Variants in ERCC8 observed in about 807,000 individuals in gnomAD.
ERCC8 encodes ERCC excision repair 8, CSA ubiquitin ligase complex subunit.
ERCC8 carries 52 observed loss-of-function variants against 54.9 expected under a neutral mutation model. That is an observed-to-expected ratio of 0.95 (90% CI 0.76 to 1.19). The LOEUF (loss-of-function observed/expected upper bound fraction) is 1.19. ERCC8 is among the 50% of genes most tolerant of loss of function. The probability of loss-of-function intolerance (pLI) is 0.00; values close to 1 mark genes in which losing one functional copy is unlikely to be tolerated. For missense variants in ERCC8, 514 were observed against 466.1 expected (o/e 1.10, Z -0.95); for synonymous variants, 146 against 157.2 (o/e 0.93, Z 0.53).
intron 9 of ERCC8, chr5:60,892,012 T>A (rs1748576541): frequency 3.8e-6 from 2 of 525,968 alleles, no homozygotes; most frequent in Admixed American, 2.0e-5. Flanking sequence ...GGGGATTTTA[T>A]CTGCACATTT....
intron 7 of ERCC8, among the ~76,000 whole-genome samples, chr5:60,901,430 C>T (rs950734331): frequency 1.1e-4 from 17 of 151,928 alleles, no homozygotes; most frequent in African/African-American, 3.6e-4. Flanking sequence ...ATCCTATGGG[C>T]CCTTAATCAG....
chr5:60,898,488 C>A (rs1308267227), intron 8 of ERCC8, 88 bp from the exon 9 acceptor site: 3 of 1,466,146 alleles, frequency 2.0e-6, no homozygotes, highest in South Asian at 2.3e-5. Context: ...TATTAAAGGA[C>A]AACTACTTGA....
chr5:60,944,655 G>C lies in ERCC8; in HGVS notation c.77+277C>G, dbSNP rs972083150. On this transcript the variant is annotated intron_variant, in intron 1 of 11. Coordinates refer to ENST00000676185, the MANE Select transcript of ERCC8 (RefSeq NM_000082.4). Reference sequence around the variant, plus strand: ...TAAGAGAGAAGGAATACAGTACAACGAAGTATTCTTATTTAGGTTTATAGT... The same window carrying C: ...TAAGAGAGAAGGAATACAGTACAACCAAGTATTCTTATTTAGGTTTATAGT... 3.9e-5 allele frequency among the ~76,000 whole-genome samples: 6 copies of C among 151,936 alleles called. No individual in the cohort carries two copies. The East Asian group carries it at 1.2e-3, about 30-fold the overall frequency.
chr5:60,918,099 C>G (rs1426583887), intron 4 of ERCC8, 166 bp downstream of exon 4: 3 of 616,238 alleles, frequency 4.9e-6, no homozygotes, highest in Non-Finnish European at 8.9e-6. Context: ...CAGCTGTCAG[C>G]AGCACAGCCA....
At chr5:60,888,817 G>A (rs1748469284) in intron 10 of ERCC8, among the ~76,000 whole-genome samples, 1 of 152,136 alleles carries the variant, frequency 6.6e-6, no homozygotes, top group Non-Finnish European at 1.5e-5. Flanking sequence ...CTGTGAACAA[G>A]GGTACTTCCC....
chr5:60,889,396 C>G (rs1190194931), intron 10 of ERCC8, among the ~76,000 whole-genome samples: 1 of 152,156 alleles, frequency 6.6e-6, no homozygotes, highest in Non-Finnish European at 1.5e-5. Flanking sequence ...CACTCAATCT[C>G]CTGGACTCAA....
chr5:60,927,525 T>C (rs755150165), intron 2 of ERCC8, among the ~76,000 whole-genome samples: 4 of 152,222 alleles, frequency 2.6e-5, no homozygotes, highest in Non-Finnish European at 5.9e-5. Context: ...TTCTCAAATA[T>C]ATTTCATGCA....
At chr5:60,902,309 TAAGTC>T in intron 7 of ERCC8, 128 bp downstream of exon 7, 1 of 690,568 alleles carries the variant, frequency 1.4e-6, no homozygotes. Flanking sequence ...TTAAAATTTC[TAAGTC>T]AATACTTCAT....
chr5:60,938,543 G>A (rs1375178210), intron 1 of ERCC8, among the ~76,000 whole-genome samples: 5 of 151,734 alleles, frequency 3.3e-5, no homozygotes, highest in African/African-American at 4.8e-5. Flanking sequence ...TAGTAGAGAC[G>A]GGGTTTCACC....
intron 11 of ERCC8, among the ~76,000 whole-genome samples, chr5:60,886,545 T>C (rs1033586104): frequency 4.0e-5 from 6 of 151,566 alleles, no homozygotes; most frequent in Non-Finnish European, 8.8e-5. Context: ...CTACTAAAAA[T>C]ACAAAAATTA....
rs114032592 is a variant in ERCC8, at chr5:60,938,649, C to T, written c.77+6283G>A. ...GATTACAGGCGTGAGCCACAGCGCC[C>T]GGCTGAATTTGTTAAAGTTTGCTTA... On this transcript the variant is annotated intron_variant, in intron 1 of 11. Transcript: ENST00000676185. Among the ~76,000 whole-genome samples, 416 of 152,244 alleles carry T rather than the reference C, an allele frequency of 2.7e-3. 2 individuals carry two copies. The highest frequency in any genetic ancestry group is 9.2e-3 in the African/African-American group (383 of 41,532).
intron 11 of ERCC8, among the ~76,000 whole-genome samples, chr5:60,877,754 G>T (rs1158119949): frequency 6.6e-6 from 1 of 152,206 alleles, no homozygotes; most frequent in Non-Finnish European, 1.5e-5. Flanking sequence ...TTGCTTATCA[G>T]CTTAAGGAGA....
chr5:60,933,222 T>C (rs867933968), intron 1 of ERCC8, among the ~76,000 whole-genome samples: 3,693 of 135,592 alleles, frequency 0.027, 101 homozygotes, highest in African/African-American at 0.072. Context: ...TTTTCTTTTT[T>C]TTTTTTTTTT....
chr5:60,918,594 A>C, intron 3 of ERCC8: 1 of 557,826 alleles, frequency 1.8e-6, no homozygotes, highest in Non-Finnish European at 3.2e-6. Context: ...GTAGAGACAT[A>C]CCTCCTACTA....
intron 1 of ERCC8, among the ~76,000 whole-genome samples, chr5:60,944,048 A>G (rs1750348221): frequency 6.6e-6 from 1 of 152,206 alleles, no homozygotes; most frequent in Non-Finnish European, 1.5e-5. Flanking sequence ...CAAAATTAAA[A>G]GTACAACTTG....
In ERCC8 at chr5:60,898,309, C is replaced by A. The variant is rs532604744; in HGVS notation, c.810G>T (p.Arg270Ser). The A allele has an allele frequency of 3.1e-6, 5 of 1,613,518 alleles. No individual in the cohort carries two copies. In the Admixed American group the frequency reaches 6.7e-5, roughly 22 times the overall value. Reference protein sequence around the residue: ...LLTVGTDNRMRLWNSSNGENT... With the variant: ...LLTVGTDNRMSLWNSSNGENT... ...TTTCTCCATTGGAACTATTCCAGAG[C>A]CTCATTCGATTATCTGTACCAACAG... Residue 270 changes from arginine (R) to serine (S), a missense_variant, in exon 9 of 12, where the codon AGG (arginine) becomes AGT (serine). By Grantham distance (110) the Arg-to-Ser change is moderately radical (BLOSUM62 -1). Transcript: ENST00000676185.
chr5:60,922,293 C>A, intron 2 of ERCC8, 138 bp from the exon 3 acceptor site: 1 of 535,476 alleles, frequency 1.9e-6, no homozygotes, highest in South Asian at 2.8e-5. Context: ...TAAGTTAATC[C>A]TCAATAACAC....
intron 3 of ERCC8, 38 bp from the exon 4 acceptor site, chr5:60,918,426 ATG>A (rs1373229874): frequency 6.3e-7 from 1 of 1,588,762 alleles, no homozygotes; most frequent in South Asian, 1.1e-5. Flanking sequence ...TAACTGACTT[ATG>A]TGAGTTTCAA....
chr5:60,903,812 A>G, intron 5 of ERCC8, 96 bp from the exon 6 acceptor site: 1 of 1,212,674 alleles, frequency 8.2e-7, no homozygotes, highest in South Asian at 1.3e-5. Context: ...TTTTCACTGT[A>G]TCCATGCAGA....
Sources: gnomAD v4.1 joint callset for allele counts (sites outside exome capture counted in the v4.1 genomes callset) on GRCh38, gnomAD v4.1.1 for gene constraint, MANE v1.5 for transcripts, NCBI Gene and HGNC (gene_info 2026-07-23, HGNC 2026-07-21) for gene names.